The following ARL9 variants were observed in gnomAD, a reference collection of about 807,000 sequenced individuals.
ARL9 encodes the protein ARF like GTPase 9, also known as ADP-ribosylation factor-like protein 9.
In ARL9, 14 loss-of-function variants were observed where a neutral mutation model predicts 27.0. The ratio of observed to expected loss-of-function variants is 0.52; its 90% CI spans 0.34 to 0.81. The LOEUF is 0.81. Ranked by LOEUF, ARL9 falls within the 30% of genes least tolerant of loss-of-function variation. The probability of loss-of-function intolerance (pLI) is 0.01; values close to 1 mark genes in which losing one functional copy is unlikely to be tolerated. For missense variants in ARL9, 294 were observed against 290.0 expected (o/e 1.01, Z -0.10); for synonymous variants, 106 against 108.7 (o/e 0.98, Z 0.15).
intron 2 of ARL9, among the ~76,000 whole-genome samples, chr4:56,513,921 G>A (rs1204133918): frequency 1.3e-5 from 2 of 152,160 alleles, no homozygotes; most frequent in African/African-American, 4.8e-5. Flanking sequence ...TGTAATCCCA[G>A]CACTTTGAGA....
intron 2 of ARL9, among the ~76,000 whole-genome samples, chr4:56,516,584 C>CAAAAAAAAAAAAAAAAAA (rs10718013): frequency 8.3e-6 from 1 of 120,872 alleles, no homozygotes; most frequent in African/African-American, 3.0e-5. Context: ...TCAAATTAGG[C>CAAAAAAAAAAAAAAAAAA]AAAAAAAAAA....
rs1721836826 is a variant in ARL9, at chr4:56,518,752, G to A, written c.517G>A (p.Asp173Asn). 1 of 1,613,832 alleles carries A rather than the reference G, an allele frequency of 6.2e-7. No homozygotes were observed. The highest frequency in any genetic ancestry group is 1.3e-5 in the African/African-American group (1 of 74,918). Residue 173 changes from aspartate to asparagine, a missense_variant, in exon 3 of 4, where the codon GAT becomes AAT. Transcript: ENST00000640821. The part of the protein sequence containing the change: ...SKGLLLIFVV[D>N]SADHSRLPEA... ...GGGATTGCTGCTGATCTTTGTGGTG[G>A]ATTCAGCAGATCACAGCCGATTACC... is the stretch of plus-strand genomic sequence containing the variant.
At position 56,518,758 on chromosome 4, in the gene ARL9, G is replaced by C; in HGVS notation, c.523G>C (p.Ala175Pro). 1 of 1,614,012 alleles carries C rather than the reference G, an allele frequency of 6.2e-7. No homozygotes were observed. The highest frequency in any genetic ancestry group is 8.5e-7 in the Non-Finnish European group (1 of 1,179,884). ...GLLLIFVVDS[A>P]DHSRLPEAKK... ...GCTGCTGATCTTTGTGGTGGATTCA[G>C]CAGATCACAGCCGATTACCTGAAGC... The change falls in exon 3 of 4, where the codon GCA (alanine) becomes CCA (proline). Residue 175 changes from alanine (A) to proline (P), a missense_variant. Coordinates refer to ENST00000640821, the MANE Select transcript of ARL9 (RefSeq NM_001363794.2).
chr4:56,513,757 G>T (rs1439583853), intron 2 of ARL9, among the ~76,000 whole-genome samples: 1 of 152,178 alleles, frequency 6.6e-6, no homozygotes, highest in Non-Finnish European at 1.5e-5. Flanking sequence ...AACTAACTAA[G>T]ATGCCTGCAT....
intron 2 of ARL9, among the ~76,000 whole-genome samples, chr4:56,511,865 T>C (rs1373403943): frequency 6.6e-6 from 1 of 152,210 alleles, no homozygotes; most frequent in African/African-American, 2.4e-5. Context: ...ATACCATCTA[T>C]ATGCTAATGG....
intron 1 of ARL9, among the ~76,000 whole-genome samples, chr4:56,509,717 T>G (rs968048629): frequency 1.2e-4 from 18 of 147,238 alleles, no homozygotes; most frequent in African/African-American, 4.1e-4. Context: ...TTTTTTTTTT[T>G]TTTTTTTTAA....
chr4:56,520,372 G>C (rs550657905), intron 3 of ARL9, among the ~76,000 whole-genome samples: 21 of 152,260 alleles, frequency 1.4e-4, no homozygotes, highest in African/African-American at 5.1e-4. Context: ...GATGAACCTT[G>C]AGAACATTAT....
At chr4:56,509,083 C>T (rs1303394382) in intron 1 of ARL9, among the ~76,000 whole-genome samples, 1 of 152,174 alleles carries the variant, frequency 6.6e-6, no homozygotes, top group African/African-American at 2.4e-5. Context: ...CCCTGGAAAC[C>T]ACCTTTCAGA....
At chr4:56,507,965 C>CAAA (rs202126461) in intron 1 of ARL9, among the ~76,000 whole-genome samples, 1,736 of 122,986 alleles carry the variant, frequency 0.014, 33 homozygotes, top group Middle Eastern at 0.1. Flanking sequence ...GATTCTGTAT[C>CAAA]AAAAAAAAAA....
chr4:56,506,786 T>TTTTGTGTGTATG (rs775195012), intron 1 of ARL9: 26 of 179,902 alleles, frequency 1.4e-4, no homozygotes, highest in African/African-American at 9.7e-4. Context: ...ATTAACACAG[T>TTTTGTGTGTATG]TGTGTGTGTG....
chr4:56,523,707 C>T lies in ARL9; in HGVS notation c.629C>T (p.Ala210Val), dbSNP rs1408524870. Residue 210 changes from alanine to valine, a missense_variant, in exon 4 of 4, where the codon GCA becomes GTA. By Grantham distance (64) the Ala-to-Val change is moderately conservative. Coordinates refer to ENST00000640821, the MANE Select transcript of ARL9 (RefSeq NM_001363794.2). ...CCACTCCGGATGAAGGATCTTGAAG[C>T]AGCCTATCACATTACAGATATCCAT... is the stretch of plus-strand genomic sequence containing the variant. ...VVFANKQDLE[A>V]AYHITDIHEA... The T allele has an allele frequency of 2.5e-6, 4 of 1,610,324 alleles. No homozygotes were observed. Among genetic ancestry groups the T allele is most frequent in the African/African-American group, 2.7e-5 (2 of 74,826 alleles).
chr4:56,509,194 T>C (rs1178484854), intron 1 of ARL9, among the ~76,000 whole-genome samples: 2 of 143,590 alleles, frequency 1.4e-5, no homozygotes, highest in East Asian at 2.2e-4. Flanking sequence ...TTTTTCTTTT[T>C]CTTTTTCTTT....
At chr4:56,513,077 C>T (rs1172784394) in intron 2 of ARL9, among the ~76,000 whole-genome samples, 1 of 152,164 alleles carries the variant, frequency 6.6e-6, no homozygotes, top group Non-Finnish European at 1.5e-5. Context: ...CATCAATATC[C>T]TGAAAAAGAA....
chr4:56,511,211 G>A lies in ARL9; in HGVS notation c.306G>A (p.Leu102=), dbSNP rs61732641. 48,820 of 1,605,152 alleles carry A rather than the reference G, an allele frequency of 0.03. 1,659 individuals carry two copies. The highest frequency in any genetic ancestry group is 0.21 in the East Asian group (9,336 of 44,670). ...PLEKNKQILV[L]GLDGAGKTSV... Reference sequence around the variant, plus strand: ...AGAAAAACAAGCAAATCCTAGTGCTGGGCCTGGATGGAGCAGGAAAAACCA... The same window carrying A: ...AGAAAAACAAGCAAATCCTAGTGCTAGGCCTGGATGGAGCAGGAAAAACCA... Residue 102 remains leucine (L), a synonymous_variant, in exon 2 of 4, where the codon CTG becomes CTA. Transcript: ENST00000640821.
chr4:56,519,382 G>T (rs1197825038), intron 3 of ARL9, among the ~76,000 whole-genome samples: 1 of 152,104 alleles, frequency 6.6e-6, no homozygotes, highest in Non-Finnish European at 1.5e-5. Flanking sequence ...GAGGGCAGGG[G>T]TGGGGGATCA....
intron 3 of ARL9, among the ~76,000 whole-genome samples, chr4:56,522,257 C>T (rs112039311): frequency 6.8e-4 from 103 of 152,088 alleles, no homozygotes; most frequent in African/African-American, 2.3e-3. Context: ...CCCGTCTCTA[C>T]TAAAAATAGA....
At chr4:56,513,903 C>T (rs1436246937) in intron 2 of ARL9, among the ~76,000 whole-genome samples, 1 of 152,186 alleles carries the variant, frequency 6.6e-6, no homozygotes, top group Admixed American at 6.5e-5. Flanking sequence ...GGCATGGTGG[C>T]TCACACCTGT....
intron 1 of ARL9, among the ~76,000 whole-genome samples, chr4:56,508,687 C>T (rs1466587359): frequency 6.6e-6 from 1 of 152,086 alleles, no homozygotes; most frequent in Non-Finnish European, 1.5e-5. Flanking sequence ...CACCGGCCTA[C>T]TTTTTTTCAA....
At chr4:56,514,025 G>A (rs936493079) in intron 2 of ARL9, among the ~76,000 whole-genome samples, 1 of 152,118 alleles carries the variant, frequency 6.6e-6, no homozygotes, top group Admixed American at 6.6e-5. Flanking sequence ...TAAAAAATGA[G>A]CTGAGCATGG....
Sources: allele counts gnomAD v4.1 joint callset (sites outside exome capture counted in the v4.1 genomes callset), GRCh38; gene constraint gnomAD v4.1.1; transcripts MANE v1.5; gene names NCBI Gene and HGNC (gene_info 2026-07-23, HGNC 2026-07-21).